The following CEMIP variants were observed in gnomAD, a reference collection of about 807,000 sequenced individuals.
CEMIP encodes the protein cell migration inducing hyaluronidase 1.
Under a neutral mutation model 156.9 loss-of-function variants are expected in CEMIP, and 105 were observed. The ratio of observed to expected loss-of-function variants is 0.67; its 90% CI spans 0.57 to 0.79. The LOEUF is 0.79. Ranked by LOEUF, CEMIP falls within the 30% of genes least tolerant of loss-of-function variation. The probability of loss-of-function intolerance (pLI) is 0.00; values close to 1 mark genes in which losing one functional copy is unlikely to be tolerated. For missense variants in CEMIP, 1,457 were observed against 1,769.4 expected, an observed-to-expected ratio of 0.82 and a Z score of 3.17; for synonymous variants, 676 against 668.4, an observed-to-expected ratio of 1.01 and a Z score of -0.17.
intron 1 of CEMIP, among the ~76,000 whole-genome samples, chr15:80,809,088 A>G (rs1050758727): frequency 1.3e-5 from 2 of 152,250 alleles, no homozygotes; most frequent in Non-Finnish European, 2.9e-5. Flanking sequence ...CCGTGAAAAT[A>G]TCAATTATAT....
intron 1 of CEMIP, among the ~76,000 whole-genome samples, chr15:80,784,630 G>T (rs1190427580): frequency 6.6e-6 from 1 of 152,208 alleles, no homozygotes; most frequent in Non-Finnish European, 1.5e-5. Flanking sequence ...CTATCAGCCA[G>T]GACCTGGGCA....
chr15:80,853,695 G>A (rs555435230), intron 1 of CEMIP, among the ~76,000 whole-genome samples: 21 of 152,234 alleles, frequency 1.4e-4, no homozygotes, highest in Non-Finnish European at 2.6e-4. Flanking sequence ...CTAAGGGCGA[G>A]CATTGTTTTC....
At chr15:80,825,513 G>A (rs535733544) in intron 1 of CEMIP, among the ~76,000 whole-genome samples, 5 of 152,228 alleles carry the variant, frequency 3.3e-5, no homozygotes, top group African/African-American at 1.2e-4. Context: ...CCAGGACAGG[G>A]CTGGGCTAGA....
chr15:80,921,809 G>A (rs902139596), intron 16 of CEMIP, among the ~76,000 whole-genome samples, 200 bp from the exon 17 acceptor site: 18 of 152,272 alleles, frequency 1.2e-4, no homozygotes, highest in African/African-American at 4.3e-4. Context: ...GGCTTTAACT[G>A]TCATGGTGGG....
intron 12 of CEMIP, among the ~76,000 whole-genome samples, chr15:80,900,070 A>G (rs1424152575): frequency 6.6e-6 from 1 of 152,188 alleles, no homozygotes; most frequent in African/African-American, 2.4e-5. Flanking sequence ...GGGTTTCTTG[A>G]GACCAGTCCC....
At chr15:80,919,676 G>A (rs796075939) in intron 14 of CEMIP, among the ~76,000 whole-genome samples, 5 of 152,310 alleles carry the variant, frequency 3.3e-5, no homozygotes, top group African/African-American at 1.2e-4. Context: ...TTAGCTGGGT[G>A]TGGGGGCGTG....
chr15:80,808,188 A>G lies in CEMIP; in HGVS notation c.-176+28574A>G, dbSNP rs200054942. Among the ~76,000 whole-genome samples the G allele has an allele frequency of 2.0e-5, 3 of 152,258 alleles. No homozygotes were observed. In the East Asian group the frequency reaches 5.8e-4, roughly 29 times the overall value. On this transcript the variant is annotated intron_variant, in intron 1 of 29. Coordinates refer to ENST00000394685, the MANE Select transcript of CEMIP (RefSeq NM_001293298.2). Reference sequence around the variant, plus strand: ...AATAGGGAGAACTAAGTCATCCAAGATCACCATGGCCTGTTCAGTATCCGG... The same window carrying G: ...AATAGGGAGAACTAAGTCATCCAAGGTCACCATGGCCTGTTCAGTATCCGG...
At chr15:80,848,427 T>G (rs1897617552) in intron 1 of CEMIP, among the ~76,000 whole-genome samples, 2 of 152,144 alleles carry the variant, frequency 1.3e-5, no homozygotes, top group African/African-American at 4.8e-5. Flanking sequence ...TGTAATACAT[T>G]TATAGACCTG....
At chr15:80,830,017 C>A (rs1281146005) in intron 1 of CEMIP, among the ~76,000 whole-genome samples, 6 of 119,760 alleles carry the variant, frequency 5.0e-5, no homozygotes, top group African/African-American at 1.1e-4. Context: ...CATGTCCTTC[C>A]AATAAGCAAC....
chr15:80,909,846 C>T (rs968488703), intron 14 of CEMIP: 2 of 349,268 alleles, frequency 5.7e-6, no homozygotes, highest in African/African-American at 4.3e-5. Flanking sequence ...ATTGACCTTT[C>T]TCGAAGTGAA....
chr15:80,798,192 T>C (rs935601388), intron 1 of CEMIP, among the ~76,000 whole-genome samples: 1 of 152,314 alleles, frequency 6.6e-6, no homozygotes, highest in East Asian at 1.9e-4. Flanking sequence ...ATAGACACTA[T>C]AGGAATTTTG....
chr15:80,832,505 G>A (rs1482440740), intron 1 of CEMIP, among the ~76,000 whole-genome samples: 1 of 152,130 alleles, frequency 6.6e-6, no homozygotes. Context: ...TGTTTCAAAT[G>A]AGTGCATGTT....
chr15:80,786,756 G>A (rs1400180998), intron 1 of CEMIP, among the ~76,000 whole-genome samples: 1 of 152,296 alleles, frequency 6.6e-6, no homozygotes, highest in South Asian at 2.1e-4. Flanking sequence ...CTGTAGCTGA[G>A]CATGGGAGGG....
At chr15:80,885,803 C>G (rs1166324997) in intron 7 of CEMIP, among the ~76,000 whole-genome samples, 1 of 152,164 alleles carries the variant, frequency 6.6e-6, no homozygotes, top group Non-Finnish European at 1.5e-5. Flanking sequence ...AATAAGCACT[C>G]CATAAATGTT....
At chr15:80,881,162 A>G (rs767538966) in intron 6 of CEMIP, 26 bp downstream of exon 6, 2 of 1,580,418 alleles carry the variant, frequency 1.3e-6, no homozygotes, top group Middle Eastern at 1.7e-4. Context: ...ACTTAAACGT[A>G]TACTCATTCA....
At chr15:80,852,535 C>T (rs1005113639) in intron 1 of CEMIP, among the ~76,000 whole-genome samples, 5 of 152,094 alleles carry the variant, frequency 3.3e-5, no homozygotes, top group South Asian at 2.1e-4. Context: ...TTTATGGCAT[C>T]GGAAACATTC....
intron 1 of CEMIP, among the ~76,000 whole-genome samples, chr15:80,785,812 G>A (rs947206293): frequency 2.6e-5 from 4 of 152,134 alleles, no homozygotes; most frequent in Non-Finnish European, 4.4e-5. Flanking sequence ...TGCCTCAGAT[G>A]CATAAGCTCC....
chr15:80,926,766 T>A (rs555023285), intron 19 of CEMIP, among the ~76,000 whole-genome samples: 46 of 115,448 alleles, frequency 4.0e-4, no homozygotes, highest in South Asian at 8.8e-4. Context: ...AATTTTTTTT[T>A]AAAAAAGTCA....
intron 9 of CEMIP, 77 bp from the exon 10 acceptor site, chr15:80,889,394 G>A (rs76053414): frequency 0.018 from 29,248 of 1,601,480 alleles, 372 homozygotes; most frequent in Middle Eastern, 0.043. Flanking sequence ...TGCTGAGGAT[G>A]CTTGGAGACA....
Sources: allele counts gnomAD v4.1 joint callset (sites outside exome capture counted in the v4.1 genomes callset), GRCh38; gene constraint gnomAD v4.1.1; transcripts MANE v1.5; gene names NCBI Gene and HGNC (gene_info 2026-07-23, HGNC 2026-07-21).